The following CHIT1 variants were observed in gnomAD, a reference collection of about 807,000 sequenced individuals.
CHIT1 encodes chitinase 1.
Under a neutral mutation model 52.0 loss-of-function variants are expected in CHIT1, and 47 were observed. The ratio of observed to expected loss-of-function variants is 0.90; its 90% CI spans 0.71 to 1.15. The LOEUF is 1.15. CHIT1 is among the 50% of genes most tolerant of loss of function. The pLI is 0.00. For missense variants in CHIT1, 569 were observed against 583.0 expected, an observed-to-expected ratio of 0.98 and a Z score of 0.25; for synonymous variants, 242 against 228.2, an observed-to-expected ratio of 1.06 and a Z score of -0.54.
chr1:203,225,196 G>T, intron 3 of CHIT1, 92 bp from the exon 4 acceptor site: 1 of 1,204,132 alleles, frequency 8.3e-7, no homozygotes, highest in Non-Finnish European at 1.2e-6. Flanking sequence ...CAACAGGGGT[G>T]GGGACGTGTG....
Position 203,217,362 on chromosome 1 carries a change from G to A in CHIT1, c.1157-229C>T, listed in dbSNP as rs1558157968. ...GCCTCACATGTGACAGGCAGTTAAGGCTTTACCCATCTGCAAGCACAACCA... is the reference window on the plus strand; with the variant it reads ...GCCTCACATGTGACAGGCAGTTAAGACTTTACCCATCTGCAAGCACAACCA... On this transcript the variant is annotated intron_variant, in intron 10 of 10. Coordinates refer to ENST00000367229, the MANE Select transcript of CHIT1 (RefSeq NM_003465.3). 2.7e-6 allele frequency: 4 copies of A among 1,508,478 alleles called. No individual in the cohort carries two copies. In the Admixed American group the frequency reaches 8.0e-5, roughly 30 times the overall value. 93.4% of individuals were successfully genotyped at this position (1,508,478 alleles called of 1,614,324 possible).
chr1:203,227,517 A>G (rs1036279164), intron 2 of CHIT1, among the ~76,000 whole-genome samples: 15 of 152,324 alleles, frequency 9.8e-5, no homozygotes, highest in African/African-American at 3.6e-4. Flanking sequence ...TTGAAATCCC[A>G]ACTTTGCAAC....
At position 203,226,583 on chromosome 1, in the gene CHIT1, C is replaced by T. The variant is rs149910955; in HGVS notation, c.56-713G>A. Among the ~76,000 whole-genome samples the T allele has an allele frequency of 6.6e-5, 10 of 152,246 alleles. 1 individual carries two copies. In the East Asian group the frequency reaches 1.5e-3, roughly 24 times the overall value. On this transcript the variant is annotated intron_variant, in intron 2 of 10. Transcript: ENST00000367229. ...CTTGTTATCCCTTGTAGATAATCTA[C>T]GTTTATCAATATCACTGCTGAGATT...
chr1:203,219,814 G>A lies in CHIT1; in HGVS notation c.765C>T (p.Thr255=), dbSNP rs143518872. 1 of 1,612,372 alleles carries A rather than the reference G, an allele frequency of 6.2e-7. No homozygotes were observed. The highest frequency in any genetic ancestry group is 1.3e-5 in the African/African-American group (1 of 74,860). The change falls in exon 8 of 11, where the codon ACC becomes ACT. Residue 255 remains threonine (T), a synonymous_variant. Transcript: ENST00000367229. ...AAVQQWLQKG[T]PASKLILGMP... Reference sequence around the variant, plus strand: ...TGCCAAGGATCAGCTTGCTGGCAGGGGTCCCCTTCTGCAGCCACTGTTGCA... The same window carrying A: ...TGCCAAGGATCAGCTTGCTGGCAGGAGTCCCCTTCTGCAGCCACTGTTGCA...
Position 203,217,032 on chromosome 1 carries a change from A to G in CHIT1, c.1258T>C (p.Cys420Arg), listed in dbSNP as rs1159587080. The G allele has an allele frequency of 6.2e-7, 1 of 1,614,174 alleles. No homozygotes were observed. Among genetic ancestry groups the G allele is most frequent in the African/African-American group, 1.3e-5 (1 of 75,076 alleles). ...HGPSPGQDTF[C>R]QGKADGLYPN... ...TAGAGCCCATCAGCTTTGCCCTGGC[A>G]GAACGTGTCTTGTCCAGGGCTGGGG... Residue 420 changes from cysteine to arginine, a missense_variant, in exon 11 of 11, where the codon TGC (cysteine) becomes CGC (arginine). By Grantham distance (180) the Cys-to-Arg change is radical. Coordinates refer to ENST00000367229, the MANE Select transcript of CHIT1 (RefSeq NM_003465.3).
intron 9 of CHIT1, 111 bp from the exon 10 acceptor site, chr1:203,217,976 C>T (rs1403407824): frequency 6.5e-7 from 1 of 1,538,646 alleles, no homozygotes; most frequent in Non-Finnish European, 8.7e-7. Context: ...AGCCTCAGGC[C>T]TGTGAGTGGC....
At chr1:203,221,704 CT>C (rs1320949425) in intron 7 of CHIT1, among the ~76,000 whole-genome samples, 2 of 152,146 alleles carry the variant, frequency 1.3e-5, no homozygotes, top group Non-Finnish European at 2.9e-5. Context: ...CCAACCTACC[CT>C]AGTCTAAAAA....
intron 1 of CHIT1, among the ~76,000 whole-genome samples, chr1:203,228,782 T>C (rs571130031): frequency 3.3e-5 from 5 of 152,260 alleles, no homozygotes; most frequent in African/African-American, 1.2e-4. Flanking sequence ...TAGAAGCTGA[T>C]GGAAAGTTCC....
chr1:203,228,910 A>G (rs745454053), intron 1 of CHIT1, among the ~76,000 whole-genome samples: 19 of 152,226 alleles, frequency 1.2e-4, no homozygotes, highest in Non-Finnish European at 1.5e-4. Flanking sequence ...TTTCGGAACA[A>G]GAAACAAGCC....
chr1:203,217,263 A>C (rs1656567771), intron 10 of CHIT1, 130 bp from the exon 11 acceptor site: 2 of 1,572,148 alleles, frequency 1.3e-6, no homozygotes, highest in Non-Finnish European at 1.7e-6. Context: ...GAGTACAGCC[A>C]GATACCCCAG....
Position 203,216,890 on chromosome 1 carries a change from C to A in CHIT1, c.1400G>T (p.Ter467LeuextTer79). The A allele has an allele frequency of 6.2e-7, 1 of 1,614,046 alleles. No individual in the cohort carries two copies. The highest frequency in any genetic ancestry group is 1.1e-5 in the South Asian group (1 of 91,050). The change falls in exon 11 of 11, where the codon TGA (stop) becomes TTA (leucine). Residue 467 changes from the stop codon to leucine (L), a stop_lost. Transcript: ENST00000367229. The stretch of plus-strand genomic sequence containing the variant: ...TGGGACTGGAGGGGCTTTAGCGACT[C>A]AATTCCAGGTGCAGCATTTGCAGGA... ...SNSCKCCTWN[*>L]
chr1:203,225,123 A>G lies in CHIT1; in HGVS notation c.258-19T>C. ...GGGATTCCTGGGAAAGACAGGAGAC[A>G]CAGCAGGATTTACTCTGCCAGCTCC... On this transcript the variant is annotated intron_variant, in intron 3 of 10. Coordinates refer to ENST00000367229, the MANE Select transcript of CHIT1 (RefSeq NM_003465.3). 6.2e-7 allele frequency: 1 copy of G among 1,613,526 alleles called. No individual in the cohort carries two copies. Among genetic ancestry groups the G allele is most frequent in the Non-Finnish European group, 8.5e-7 (1 of 1,179,704 alleles).
rs754067639 is a variant in CHIT1 at position 203,225,040 on chromosome 1, C to T, written c.314+8G>A. 1.2e-6 allele frequency: 2 copies of T among 1,613,390 alleles called. No homozygotes were observed. Among genetic ancestry groups the T allele is most frequent in the Non-Finnish European group, 1.7e-6 (2 of 1,179,518 alleles). On this transcript the variant is annotated splice_region_variant and intron_variant, in intron 4 of 10. Transcript: ENST00000367229. Reference sequence around the variant, plus strand: ...GCTTTACCACACAGGTGACCACAGTCAACTAACTTCTGAGTGCCGAAATTC... The same window carrying T: ...GCTTTACCACACAGGTGACCACAGTTAACTAACTTCTGAGTGCCGAAATTC...
Position 203,229,625 on chromosome 1 carries a change from A to G in CHIT1, c.12T>C (p.Ser4=), listed in dbSNP as rs1657060440. 3 of 1,613,950 alleles carry G rather than the reference A, an allele frequency of 1.9e-6. No individual in the cohort carries two copies. Among genetic ancestry groups the G allele is most frequent in the African/African-American group, 1.3e-5 (1 of 74,894 alleles). The change falls in exon 1 of 11, where the codon TCT becomes TCC. Residue 4 remains serine (S), a synonymous_variant. Transcript: ENST00000367229. MVR[S]VAWAGFMVLL... is the part of the protein sequence containing the mutation. ...CCGACGGCTCACCTGCCCAGGCCAC[A>G]GACCGCACCATGATGCAGCTCAGCG...
At position 203,217,181 on chromosome 1, in the gene CHIT1, A is replaced by C. The variant is rs757591146; in HGVS notation, c.1157-48T>G. ...ACCAAGGCTCCCCCGAAGAGATCCCAAACCCACAGGCAGAGCACACAGGCA... is the reference window on the plus strand; with the variant it reads ...ACCAAGGCTCCCCCGAAGAGATCCCCAACCCACAGGCAGAGCACACAGGCA... On this transcript the variant is annotated intron_variant, in intron 10 of 10. Transcript: ENST00000367229. The C allele has an allele frequency of 5.0e-6, 8 of 1,598,874 alleles. No individual in the cohort carries two copies. The African/African-American group carries it at 1.1e-4, about 21-fold the overall frequency.
At position 203,219,499 on chromosome 1, in the gene CHIT1, G is replaced by A. The variant is rs1156918163; in HGVS notation, c.915+165C>T. ...ATTCTGGACTCAGCTTGAGGCACCT[G>A]GGCTTAAGGATAAATTCAAGATGGC... On this transcript the variant is annotated intron_variant, in intron 8 of 10. Coordinates refer to ENST00000367229, the MANE Select transcript of CHIT1 (RefSeq NM_003465.3). The A allele has an allele frequency of 4.1e-6, 4 of 970,760 alleles. No individual in the cohort carries two copies. In the African/African-American group the frequency reaches 6.4e-5, roughly 16 times the overall value. 60.1% of individuals were successfully genotyped at this position (970,760 alleles called of 1,614,324 possible).
chr1:203,220,538 A>G (rs759768323), intron 7 of CHIT1, among the ~76,000 whole-genome samples: 15 of 152,130 alleles, frequency 9.9e-5, no homozygotes, highest in Non-Finnish European at 1.6e-4. Context: ...CAGGCCTGTG[A>G]CGGGAGAAGG....
chr1:203,217,484 G>T, intron 10 of CHIT1: 2 of 1,188,586 alleles, frequency 1.7e-6, no homozygotes, highest in Non-Finnish European at 2.4e-6. Context: ...CAGTCTGGGG[G>T]CCCTCTGGAG....
chr1:203,216,290 G>C lies in CHIT1; in HGVS notation c.*599C>G, dbSNP rs376701295. The C allele has an allele frequency of 6.6e-6, 3 of 453,986 alleles. No homozygotes were observed. The highest frequency in any genetic ancestry group is 1.3e-5 in the Non-Finnish European group (3 of 226,800). 28.1% of individuals were successfully genotyped at this position (453,986 alleles called of 1,614,324 possible). A position where few individuals can be genotyped will look rare whatever the true frequency, so the allele number is the denominator to read the frequency against. ...GGGCCCAAACAGGATTTATCTCGAA[G>C]ACCCCTGAGTACCAGGGGTCTGAAT... On this transcript the variant is annotated 3_prime_UTR_variant, in exon 11 of 11. Transcript: ENST00000367229.
Sources: allele counts gnomAD v4.1 joint callset (sites outside exome capture counted in the v4.1 genomes callset), GRCh38; gene constraint gnomAD v4.1.1; transcripts MANE v1.5; gene names NCBI Gene and HGNC (gene_info 2026-07-23, HGNC 2026-07-21).